The following FRMD3 variants were observed in gnomAD, a reference collection of about 807,000 sequenced individuals.
FRMD3 encodes the protein FERM domain containing 3, also known as FERM domain-containing protein 3.
Under a neutral mutation model 70.2 loss-of-function variants are expected in FRMD3, and 33 were observed. That is an observed-to-expected ratio of 0.47 (90% confidence interval 0.36 to 0.63). The LOEUF (loss-of-function observed/expected upper bound fraction) is 0.63, where lower values mean the gene tolerates loss of function less well. Ranked by LOEUF, FRMD3 falls within the 20% of genes least tolerant of loss-of-function variation. The pLI is 0.00. For synonymous variants in FRMD3, 279 were observed against 255.9 expected, an observed-to-expected ratio of 1.09 and a Z score of -0.86; for missense variants, 632 against 711.4, an observed-to-expected ratio of 0.89 and a Z score of 1.27.
chr9:83,311,249 G>A (rs1164323340), intron 8 of FRMD3, among the ~76,000 whole-genome samples: 2 of 150,586 alleles, frequency 1.3e-5, no homozygotes, highest in Admixed American at 1.3e-4. Context: ...TCAGGAGCAG[G>A]AGCCTCAGGA....
At chr9:83,296,487 C>G (rs1369787687) in intron 12 of FRMD3, among the ~76,000 whole-genome samples, 1 of 152,200 alleles carries the variant, frequency 6.6e-6, no homozygotes, top group Non-Finnish European at 1.5e-5. Context: ...AGACACGGTC[C>G]TTTCCTCCAA....
chr9:83,323,832 A>C (rs1233930549), intron 6 of FRMD3, among the ~76,000 whole-genome samples: 1 of 152,202 alleles, frequency 6.6e-6, no homozygotes, highest in South Asian at 2.1e-4. Context: ...GTCACTGGAA[A>C]CCCTGGGAAC....
At chr9:83,244,082 C>G (rs534766412), downstream of FRMD3, among the ~76,000 whole-genome samples, 3 of 151,820 alleles carry the variant, frequency 2.0e-5, no homozygotes, top group East Asian at 5.8e-4. Flanking sequence ...GAGCCGTGAT[C>G]GTGCCATTGC....
chr9:83,453,273 G>GCAAGATAAACC lies in FRMD3; in HGVS notation c.148-63566_148-63565insGGTTTATCTTG, dbSNP rs1827720580. 5.3e-5 allele frequency among the ~76,000 whole-genome samples: 8 copies of GCAAGATAAACC among 152,070 alleles called. 1 individual carries two copies. The highest frequency in any genetic ancestry group is 4.6e-4 in the Admixed American group (7 of 15,268). On this transcript the variant is annotated intron_variant, in intron 1 of 13. Transcript: ENST00000304195. Reference sequence around the variant, plus strand: ...TTCACACAGTGCAAGATATACATTTGTTATATTAGTTTATAAGGTTCTCAA... The same window carrying GCAAGATAAACC: ...TTCACACAGTGCAAGATATACATTTGCAAGATAAACCTTATATTAGTTTATAAGGTTCTCAA...
intron 1 of FRMD3, among the ~76,000 whole-genome samples, chr9:83,488,791 G>A (rs1389082888): frequency 2.0e-5 from 3 of 152,100 alleles, no homozygotes; most frequent in African/African-American, 7.2e-5. Flanking sequence ...AATGTTGACT[G>A]ATTAATTAAA....
chr9:83,500,236 A>G (rs1312280937), intron 1 of FRMD3, among the ~76,000 whole-genome samples: 1 of 152,152 alleles, frequency 6.6e-6, no homozygotes, highest in Non-Finnish European at 1.5e-5. Context: ...AATGTAAGCT[A>G]TGAACTTTAG....
At chr9:83,411,393 G>A (rs1395664507) in intron 1 of FRMD3, among the ~76,000 whole-genome samples, 1 of 152,168 alleles carries the variant, frequency 6.6e-6, no homozygotes, top group East Asian at 1.9e-4. Flanking sequence ...AAGGAGGGGA[G>A]ATTCTATTGT....
the FRMD3 span, among the ~76,000 whole-genome samples, chr9:83,582,910 TAA>T: frequency 6.6e-6 from 1 of 152,210 alleles, no homozygotes; most frequent in Non-Finnish European, 1.5e-5. Flanking sequence ...TTTCAAGTTG[TAA>T]GAGACGTTGC....
At chr9:83,310,442 T>C (rs1431159949) in intron 9 of FRMD3, 43 bp downstream of exon 9, 3 of 1,478,914 alleles carry the variant, frequency 2.0e-6, no homozygotes, top group African/African-American at 1.4e-5. Flanking sequence ...ATCTCTCTCA[T>C]GCACACACAA....
At chr9:83,307,656 A>T (rs1835183037) in intron 10 of FRMD3, among the ~76,000 whole-genome samples, 1 of 152,178 alleles carries the variant, frequency 6.6e-6, no homozygotes, top group African/African-American at 2.4e-5. Flanking sequence ...GGGGAGGAGG[A>T]AATGGGAAAT....
intron 1 of FRMD3, among the ~76,000 whole-genome samples, chr9:83,456,871 T>A (rs1827832789): frequency 6.6e-6 from 1 of 152,022 alleles, no homozygotes. Context: ...TCCCAGCTAC[T>A]CGAGAGGCTG....
chr9:83,507,738 A>ATATATATC (rs1208727746), intron 1 of FRMD3, among the ~76,000 whole-genome samples: 2 of 112,446 alleles, frequency 1.8e-5, no homozygotes, highest in African/African-American at 6.5e-5. Flanking sequence ...ATATATATAT[A>ATATATATC]TCTTCTGGAA....
the FRMD3 span, among the ~76,000 whole-genome samples, chr9:83,563,053 C>T: frequency 3.3e-5 from 5 of 151,550 alleles, no homozygotes; most frequent in East Asian, 1.9e-4. Flanking sequence ...CGCAAAGATA[C>T]GCAGTATTAT....
At chr9:83,403,282 C>G (rs972306213) in intron 1 of FRMD3, among the ~76,000 whole-genome samples, 1 of 152,160 alleles carries the variant, frequency 6.6e-6, no homozygotes, top group Admixed American at 6.5e-5. Flanking sequence ...CTCCACATCC[C>G]TAACTTCCCT....
intron 13 of FRMD3, among the ~76,000 whole-genome samples, chr9:83,263,364 T>C (rs758344685): frequency 2.0e-5 from 3 of 152,252 alleles, no homozygotes; most frequent in Non-Finnish European, 4.4e-5. Flanking sequence ...ATCTTCACAG[T>C]CAGTCATTAC....
chr9:83,313,426 T>C lies in FRMD3; in HGVS notation c.684+234A>G, dbSNP rs142580847. On this transcript the variant is annotated intron_variant, in intron 7 of 13. Transcript: ENST00000304195. ...ATTTGATGAGTGAATCCATGGATGT[T>C]AATTTAGGAAAATATGGCTACTACA... Among the ~76,000 whole-genome samples, 394 of 152,332 alleles carry C rather than the reference T, an allele frequency of 2.6e-3. 3 individuals carry two copies. The highest frequency in any genetic ancestry group is 0.02 in the Middle Eastern group (6 of 294).
intron 1 of FRMD3, among the ~76,000 whole-genome samples, chr9:83,466,796 T>C (rs1360550185): frequency 6.6e-6 from 1 of 152,210 alleles, no homozygotes; most frequent in African/African-American, 2.4e-5. Context: ...CTTGCACCTG[T>C]GTATAGGTCA....
chr9:83,498,013 TG>T (rs986075719), intron 1 of FRMD3, among the ~76,000 whole-genome samples: 3 of 152,072 alleles, frequency 2.0e-5, no homozygotes, highest in Non-Finnish European at 4.4e-5. Context: ...CCAGGCATGG[TG>T]GTGGGCACCT....
At chr9:83,446,537 C>CT (rs1454729612) in intron 1 of FRMD3, among the ~76,000 whole-genome samples, 6 of 150,764 alleles carry the variant, frequency 4.0e-5, no homozygotes, top group African/African-American at 1.5e-4. Context: ...GTCCCAGCTA[C>CT]TCGGGAGGCT....
Sources: gnomAD v4.1 joint callset for allele counts (sites outside exome capture counted in the v4.1 genomes callset) on GRCh38, gnomAD v4.1.1 for gene constraint, MANE v1.5 for transcripts, NCBI Gene and HGNC (gene_info 2026-07-23, HGNC 2026-07-21) for gene names.